The following MECOM variants were observed in gnomAD, a reference collection of about 807,000 sequenced individuals.
MECOM encodes MDS1 and EVI1 complex locus, also known as histone-lysine N-methyltransferase MECOM.
MECOM carries 13 observed loss-of-function variants against 116.3 expected under a neutral mutation model. The observed-to-expected ratio is 0.11, with a 90% CI of 0.07 to 0.18. The LOEUF (loss-of-function observed/expected upper bound fraction) is 0.18. Ranked by LOEUF, MECOM falls within the 10% of genes least tolerant of loss-of-function variation. The pLI is 1.00. For synonymous variants in MECOM, 528 were observed against 535.2 expected (o/e 0.99, Z 0.19); for missense variants, 1,299 against 1,509.0 (o/e 0.86, Z 2.31).
At chr3:169,231,448 T>G (rs1374503429) in intron 2 of MECOM, among the ~76,000 whole-genome samples, 1 of 152,098 alleles carries the variant, frequency 6.6e-6, no homozygotes, top group African/African-American at 2.4e-5. Flanking sequence ...AACAAGTTAC[T>G]TACAACCTAT....
At chr3:169,137,684 A>G (rs1343106841) in intron 3 of MECOM, among the ~76,000 whole-genome samples, 1 of 152,090 alleles carries the variant, frequency 6.6e-6, no homozygotes, top group African/African-American at 2.4e-5. Flanking sequence ...CGAGACCAAG[A>G]TATCTTTGGT....
At chr3:169,262,954 AGCTG>A in intron 2 of MECOM, among the ~76,000 whole-genome samples, 1 of 149,662 alleles carries the variant, frequency 6.7e-6, no homozygotes, top group African/African-American at 2.5e-5. Flanking sequence ...ACTTCAGCTC[AGCTG>A]CCTCTTTCCC....
At chr3:169,189,077 C>T (rs111658047) in intron 2 of MECOM, among the ~76,000 whole-genome samples, 8 of 152,158 alleles carry the variant, frequency 5.3e-5, no homozygotes, top group East Asian at 1.9e-4. Context: ...GTATTCATGA[C>T]TCGCATGATC....
intron 1 of MECOM, among the ~76,000 whole-genome samples, chr3:169,490,277 C>T (rs759758592): frequency 1.6e-4 from 24 of 152,264 alleles, no homozygotes; most frequent in Non-Finnish European, 2.5e-4. Context: ...ACAATCAACA[C>T]GAGCTGTTAT....
intron 1 of MECOM, among the ~76,000 whole-genome samples, chr3:169,486,399 T>C (rs1752391943): frequency 6.6e-6 from 1 of 152,038 alleles, no homozygotes; most frequent in South Asian, 2.1e-4. Flanking sequence ...GAGAAGAATT[T>C]TGAGGCCAGA....
chr3:169,172,797 C>T (rs549928129), intron 2 of MECOM, among the ~76,000 whole-genome samples: 14 of 152,138 alleles, frequency 9.2e-5, no homozygotes, highest in Non-Finnish European at 1.3e-4. Flanking sequence ...TACAGCTAAC[C>T]GGCAGCAAGC....
At position 169,263,273 on chromosome 3, in the gene MECOM, C is replaced by T. The variant is rs1180027607; in HGVS notation, c.375+117914G>A. ...CCTCCCGAGTAGCTGGGACTACAGG[C>T]GCCCGCCACCATGCTCGGTTAATCT... On this transcript the variant is annotated intron_variant, in intron 2 of 16. Coordinates refer to ENST00000651503, the MANE Select transcript of MECOM (RefSeq NM_004991.4). Among the ~76,000 whole-genome samples, 28 of 150,116 alleles carry T rather than the reference C, an allele frequency of 1.9e-4. 1 individual carries two copies. Among genetic ancestry groups the T allele is most frequent in the African/African-American group, 5.4e-4 (22 of 40,764 alleles).
chr3:169,598,329 G>C (rs562099223), intron 1 of MECOM, among the ~76,000 whole-genome samples: 2 of 152,308 alleles, frequency 1.3e-5, no homozygotes, highest in Admixed American at 1.3e-4. Context: ...CTTCGCAGCT[G>C]TAATTTCCAT....
intron 1 of MECOM, among the ~76,000 whole-genome samples, chr3:169,491,188 T>C (rs1753048820): frequency 6.6e-6 from 1 of 152,126 alleles, no homozygotes; most frequent in East Asian, 1.9e-4. Context: ...ATCAAATGAA[T>C]TATTGAGTAT....
chr3:169,132,499 A>T (rs1338255395), intron 3 of MECOM, among the ~76,000 whole-genome samples: 2 of 149,726 alleles, frequency 1.3e-5, no homozygotes, highest in East Asian at 3.9e-4. Flanking sequence ...GTTTTTTTTC[A>T]TTCTAAGGTT....
At chr3:169,168,810 T>C (rs1343400873) in intron 2 of MECOM, among the ~76,000 whole-genome samples, 2 of 151,902 alleles carry the variant, frequency 1.3e-5, no homozygotes, top group Non-Finnish European at 2.9e-5. Flanking sequence ...TGCAAATTTG[T>C]ATACAAAAGT....
chr3:169,513,136 C>T (rs1756189024), intron 1 of MECOM, among the ~76,000 whole-genome samples: 2 of 152,196 alleles, frequency 1.3e-5, no homozygotes, highest in African/African-American at 4.8e-5. Context: ...GATGATGATT[C>T]TCTGAACAGG....
chr3:169,244,960 CA>C (rs955238119), intron 2 of MECOM, among the ~76,000 whole-genome samples: 3 of 151,766 alleles, frequency 2.0e-5, no homozygotes, highest in Non-Finnish European at 4.4e-5. Context: ...CCATCACACA[CA>C]AAAAAACAAA....
intron 1 of MECOM, among the ~76,000 whole-genome samples, chr3:169,631,513 A>C (rs1236016043): frequency 6.6e-6 from 1 of 151,938 alleles, no homozygotes; most frequent in African/African-American, 2.4e-5. Context: ...CACAATGTGC[A>C]GGTTAGTTAC....
At chr3:169,454,402 A>AC (rs1553857575) in intron 1 of MECOM, among the ~76,000 whole-genome samples, 2 of 151,612 alleles carry the variant, frequency 1.3e-5, no homozygotes, top group Admixed American at 6.6e-5. Flanking sequence ...AAAAAAAAAA[A>AC]AAAAAAAGCC....
Position 169,088,993 on chromosome 3 carries a change from T to G in MECOM, c.3585+7A>C, listed in dbSNP as rs1260925658. 4 of 1,576,902 alleles carry G rather than the reference T, an allele frequency of 2.5e-6. No homozygotes were observed. The highest frequency in any genetic ancestry group is 1.9e-5 in the Admixed American group (1 of 53,020). On this transcript the variant is annotated splice_region_variant and intron_variant, in intron 16 of 16. Coordinates refer to ENST00000651503, the MANE Select transcript of MECOM (RefSeq NM_004991.4). ...ACCATGATGCTGTACTATGGGAAAA[T>G]CTGTACCTGCGATTTGGACTTTCTG... is the stretch of plus-strand genomic sequence containing the variant.
In MECOM at chr3:169,293,110, G is replaced by A. The variant is rs567694365; in HGVS notation, c.375+88077C>T. Among the ~76,000 whole-genome samples the A allele has an allele frequency of 1.1e-4, 16 of 152,232 alleles. 1 individual carries two copies. Among genetic ancestry groups the A allele is most frequent in the East Asian group, 7.7e-4 (4 of 5,180 alleles). On this transcript the variant is annotated intron_variant, in intron 2 of 16. Coordinates refer to ENST00000651503, the MANE Select transcript of MECOM (RefSeq NM_004991.4). ...GACATTTGTCTTTTAAATACCTATCGCAGGAGGAGTCAGCTAGAACAAATC... is the reference window on the plus strand; with the variant it reads ...GACATTTGTCTTTTAAATACCTATCACAGGAGGAGTCAGCTAGAACAAATC...
chr3:169,659,970 G>T (rs535639051), intron 1 of MECOM, among the ~76,000 whole-genome samples: 2 of 152,134 alleles, frequency 1.3e-5, no homozygotes, highest in African/African-American at 4.8e-5. Context: ...GAGACTTCTG[G>T]GGGGCCGGTA....
intron 2 of MECOM, chr3:169,147,287 C>T (rs1338174426): frequency 1.0e-6 from 1 of 985,546 alleles, no homozygotes. Context: ...ATCCCCCTTT[C>T]AGATCCTCCG....
Sources: allele counts gnomAD v4.1 joint callset (sites outside exome capture counted in the v4.1 genomes callset), GRCh38; gene constraint gnomAD v4.1.1; transcripts MANE v1.5; gene names NCBI Gene and HGNC (gene_info 2026-07-23, HGNC 2026-07-21).